Variants in CIAO2A observed in about 807,000 individuals in gnomAD.
CIAO2A encodes MIP18 family protein FAM96A.
Under a neutral mutation model 22.4 loss-of-function variants are expected in CIAO2A, and 17 were observed. The observed-to-expected ratio is 0.76, with a 90% CI of 0.52 to 1.14. The LOEUF (loss-of-function observed/expected upper bound fraction) is 1.14, where lower values mean the gene tolerates loss of function less well. Among genes scored for constraint, CIAO2A ranks in the 50% most tolerant of loss-of-function variants. CIAO2A has a pLI of 0.00. For missense variants in CIAO2A, 192 were observed against 191.4 expected (o/e 1.00, Z -0.02); for synonymous variants, 74 against 72.3 (o/e 1.02, Z -0.12).
At chr15:64,092,671 T>G (rs2080849889) in intron 1 of CIAO2A, among the ~76,000 whole-genome samples, 1 of 152,234 alleles carries the variant, frequency 6.6e-6, no homozygotes, top group Non-Finnish European at 1.5e-5. Flanking sequence ...GCCTGGAGGC[T>G]GATTAGGTAA....
chr15:64,088,878 T>C (rs965303506), intron 1 of CIAO2A, 27 bp from the exon 2 acceptor site: 5 of 1,588,896 alleles, frequency 3.1e-6, no homozygotes, highest in Non-Finnish European at 4.3e-6. Flanking sequence ...GATAAGATAT[T>C]CTATTAAAAC....
Position 64,088,707 on chromosome 15 carries a change from C to T in CIAO2A, c.269G>A (p.Cys90Tyr). 1 of 1,611,918 alleles carries T rather than the reference C, an allele frequency of 6.2e-7. No homozygotes were observed. Residue 90 changes from cysteine to tyrosine, a missense_variant, in exon 2 of 5, where the codon TGC becomes TAC. Transcript: ENST00000300030. ...IIRFTPTVPH[C>Y]SLATLIGLCL... ...CTTACCAATAAGAGTCGCCAAAGAG[C>T]AATGAGGTACTGTTGGCGTGAACCT...
In CIAO2A at chr15:64,091,348, G is replaced by T. The variant is rs139895467; in HGVS notation, c.124+2297C>A. ...AAAAATACAAAAATGAGCCGGGTGT[G>T]GTGGCATGTGCCTGTAATCACAGCT... On this transcript the variant is annotated intron_variant, in intron 1 of 4. Coordinates refer to ENST00000300030, the MANE Select transcript of CIAO2A (RefSeq NM_032231.7). 7.6e-3 allele frequency among the ~76,000 whole-genome samples: 1,150 copies of T among 152,236 alleles called. 16 individuals are homozygous for T. Among genetic ancestry groups the T allele is most frequent in the African/African-American group, 0.027 (1,106 of 41,524 alleles).
At chr15:64,080,453 C>T (rs1039475722) in intron 3 of CIAO2A, among the ~76,000 whole-genome samples, 9 of 150,790 alleles carry the variant, frequency 6.0e-5, no homozygotes, top group Admixed American at 1.3e-4. Context: ...GAGGCCGAGG[C>T]GGGTGGATCA....
At chr15:64,080,212 C>T (rs1229744369) in intron 3 of CIAO2A, among the ~76,000 whole-genome samples, 2 of 151,624 alleles carry the variant, frequency 1.3e-5, no homozygotes, top group Non-Finnish European at 2.9e-5. Context: ...ATGGTGAAAC[C>T]CTGTCTCTAC....
intron 1 of CIAO2A, among the ~76,000 whole-genome samples, chr15:64,093,204 C>A (rs916278173): frequency 1.3e-5 from 2 of 152,204 alleles, no homozygotes; most frequent in Non-Finnish European, 2.9e-5. Context: ...CAGTCCCCAA[C>A]TCGACTGTCA....
At chr15:64,088,176 C>A (rs559587576) in intron 2 of CIAO2A, among the ~76,000 whole-genome samples, 1 of 152,148 alleles carries the variant, frequency 6.6e-6, no homozygotes, top group Non-Finnish European at 1.5e-5. Context: ...TACTGGGAAT[C>A]CAACCTCCTA....
rs752209681 is a variant in CIAO2A at position 64,072,925 on chromosome 15, C to G, written c.*6G>C. ...AATTACAGGCCAGTGGCTCTTAAAA[C>G]AGCTATCAGTCAGGTTCAAGGACAC... On this transcript the variant is annotated 3_prime_UTR_variant, in exon 5 of 5. Coordinates refer to ENST00000300030, the MANE Select transcript of CIAO2A (RefSeq NM_032231.7). 1 of 1,596,334 alleles carries G rather than the reference C, an allele frequency of 6.3e-7. No individual in the cohort carries two copies. The highest frequency in any genetic ancestry group is 8.6e-7 in the Non-Finnish European group (1 of 1,165,560).
chr15:64,073,117 C>CT, intron 4 of CIAO2A, 89 bp from the exon 5 acceptor site: 2 of 807,534 alleles, frequency 2.5e-6, no homozygotes, highest in Non-Finnish European at 4.0e-6. Flanking sequence ...GAAACAAAAA[C>CT]TTTAACTCCT....
At position 64,072,821 on chromosome 15, in the gene CIAO2A, T is replaced by C; in HGVS notation, c.*110A>G. 3.2e-6 allele frequency: 2 copies of C among 633,854 alleles called. No homozygotes were observed. Among genetic ancestry groups the C allele is most frequent in the Non-Finnish European group, 5.4e-6 (2 of 369,386 alleles). 39.3% of individuals were successfully genotyped at this position (633,854 alleles called of 1,614,324 possible). A position where few individuals can be genotyped will look rare whatever the true frequency, so the allele number is the denominator to read the frequency against. On this transcript the variant is annotated 3_prime_UTR_variant, in exon 5 of 5. Coordinates refer to ENST00000300030, the MANE Select transcript of CIAO2A (RefSeq NM_032231.7). Reference sequence around the variant, plus strand: ...CGCTTGGAAAGAATCCTTTAAAAAATACTCTGAGGTACAAATCACCTATGT... The same window carrying C: ...CGCTTGGAAAGAATCCTTTAAAAAACACTCTGAGGTACAAATCACCTATGT...
Position 64,093,831 on chromosome 15 carries a change from G to C in CIAO2A, c.-63C>G, listed in dbSNP as rs1411627580. ...CGCCACCGTCTCTCAGCAGCCTCGG[G>C]ATTGATCAACTTCCTGGTCTTCAAA... is the stretch of plus-strand genomic sequence containing the variant. On this transcript the variant is annotated 5_prime_UTR_variant, in exon 1 of 5. In the 5' UTR this introduces an upstream ATG that the reference lacks. Coordinates refer to ENST00000300030, the MANE Select transcript of CIAO2A (RefSeq NM_032231.7). 2 of 1,581,124 alleles carry C rather than the reference G, an allele frequency of 1.3e-6. No individual in the cohort carries two copies. The highest frequency in any genetic ancestry group is 1.4e-5 in the African/African-American group (1 of 74,058).
At chr15:64,088,627 A>T in intron 2 of CIAO2A, 60 bp downstream of exon 2, 1 of 1,344,028 alleles carries the variant, frequency 7.4e-7, no homozygotes, top group Non-Finnish European at 1.0e-6. Flanking sequence ...TTATGGGTCA[A>T]TATCAGCAAG....
intron 1 of CIAO2A, among the ~76,000 whole-genome samples, chr15:64,093,069 T>G (rs987433763): frequency 3.3e-5 from 5 of 152,168 alleles, no homozygotes; most frequent in African/African-American, 1.2e-4. Flanking sequence ...TGGAAGAGTG[T>G]GTATGTGTGT....
Position 64,093,660 on chromosome 15 carries a change from C to T in CIAO2A, c.109G>A (p.Ala37Thr). The T allele has an allele frequency of 6.2e-7, 1 of 1,613,954 alleles. No homozygotes were observed. Among genetic ancestry groups the T allele is most frequent in the Non-Finnish European group, 8.5e-7 (1 of 1,179,916 alleles). ...AATTAATTACCATAAACTTCTAGCG[C>T]TTTCTCTTCCATGATCCGGGGCTGC... ...ARQPRIMEEK[A>T]LEVYDLIRTI... Residue 37 changes from alanine to threonine, a missense_variant, in exon 1 of 5, where the codon GCG becomes ACG. Coordinates refer to ENST00000300030, the MANE Select transcript of CIAO2A (RefSeq NM_032231.7).
intron 3 of CIAO2A, among the ~76,000 whole-genome samples, chr15:64,079,681 G>A (rs1304535024): frequency 2.6e-5 from 4 of 152,196 alleles, no homozygotes; most frequent in Non-Finnish European, 5.9e-5. Flanking sequence ...AGACAAGGCC[G>A]AATCATTCAC....
chr15:64,092,663 C>T (rs2080849765), intron 1 of CIAO2A, among the ~76,000 whole-genome samples: 1 of 152,192 alleles, frequency 6.6e-6, no homozygotes, highest in African/African-American at 2.4e-5. Flanking sequence ...TATCATCTGC[C>T]TGGAGGCTGA....
chr15:64,086,665 G>A (rs2080798038), intron 2 of CIAO2A, among the ~76,000 whole-genome samples: 1 of 150,516 alleles, frequency 6.6e-6, no homozygotes, highest in Non-Finnish European at 1.5e-5. Context: ...TTAGGCTGGA[G>A]TGCAGTGGCG....
chr15:64,083,575 C>T (rs538021095), intron 2 of CIAO2A, among the ~76,000 whole-genome samples: 5 of 152,282 alleles, frequency 3.3e-5, no homozygotes, highest in Admixed American at 1.3e-4. Context: ...ATCAGACAGA[C>T]GAAGGCTTCT....
intron 1 of CIAO2A, among the ~76,000 whole-genome samples, chr15:64,091,758 C>T (rs1292573097): frequency 6.6e-6 from 1 of 151,974 alleles, no homozygotes. Context: ...TTTGGCTTTA[C>T]TTCTTTAAAA....
Sources: gnomAD v4.1 joint callset for allele counts (sites outside exome capture counted in the v4.1 genomes callset) on GRCh38, gnomAD v4.1.1 for gene constraint, MANE v1.5 for transcripts, NCBI Gene and HGNC (gene_info 2026-07-23, HGNC 2026-07-21) for gene names.